The following IMMP2L variants were observed in gnomAD, a reference collection of about 807,000 sequenced individuals.
The protein encoded by IMMP2L is mitochondrial inner membrane protease subunit 2.
Under a neutral mutation model 19.3 loss-of-function variants are expected in IMMP2L, and 18 were observed. The observed-to-expected ratio is 0.93, with a 90% CI of 0.64 to 1.38. The LOEUF is 1.38. Ranked by LOEUF, IMMP2L falls within the 40% of genes most tolerant of loss-of-function variation. IMMP2L has a pLI of 0.00. For missense variants in IMMP2L, 233 were observed against 218.2 expected, an observed-to-expected ratio of 1.07 and a Z score of -0.43; for synonymous variants, 76 against 73.0, an observed-to-expected ratio of 1.04 and a Z score of -0.21.
chr7:111,055,389 C>G (rs758761813), intron 3 of IMMP2L, among the ~76,000 whole-genome samples: 1 of 152,198 alleles, frequency 6.6e-6, no homozygotes, highest in Non-Finnish European at 1.5e-5. Flanking sequence ...CACACTGATG[C>G]AGGAAGCCTG....
chr7:111,357,157 T>C (rs957555592), intron 3 of IMMP2L, among the ~76,000 whole-genome samples: 99 of 152,322 alleles, frequency 6.5e-4, no homozygotes, highest in African/African-American at 2.4e-3. Context: ...ACTGGCCCAC[T>C]GTAGCATTTA....
rs762676225 is a variant in IMMP2L, at chr7:111,521,359, A to G, written c.89T>C (p.Leu30Ser). Residue 30 changes from leucine to serine, a missense_variant, in exon 2 of 6, where the codon TTG becomes TCG. Physicochemically the swap from Leu to Ser is moderately radical, Grantham distance 145. Coordinates refer to ENST00000405709, the MANE Select transcript of IMMP2L (RefSeq NM_032549.4). ...TCTTGCCACACAGGCGACCCGATCCAAGAAAGTCACTGCCACAGGCACCGC... is the reference window on the plus strand; with the variant it reads ...TCTTGCCACACAGGCGACCCGATCCGAGAAAGTCACTGCCACAGGCACCGC... Reference protein sequence around the residue: ...FVAVPVAVTFLDRVACVARVE... With the variant: ...FVAVPVAVTFSDRVACVARVE... 6.2e-7 allele frequency: 1 copy of G among 1,613,376 alleles called. No individual in the cohort carries two copies. Among genetic ancestry groups the G allele is most frequent in the South Asian group, 1.1e-5 (1 of 91,036 alleles).
rs557680696 is a variant in IMMP2L at position 110,719,392 on chromosome 7, G to T, written c.409-55671C>A. The stretch of plus-strand genomic sequence containing the variant: ...GCCTTTCTCACTAATTTTAATTTTA[G>T]TTACTCATGTAATACACAACCAAGG... On this transcript the variant is annotated intron_variant, in intron 5 of 5. Coordinates refer to ENST00000405709, the MANE Select transcript of IMMP2L (RefSeq NM_032549.4). Among the ~76,000 whole-genome samples, 10 of 152,146 alleles carry T rather than the reference G, an allele frequency of 6.6e-5. No individual in the cohort carries two copies. In the East Asian group the frequency reaches 1.7e-3, roughly 26 times the overall value.
chr7:111,084,298 A>AT (rs1394481595), intron 3 of IMMP2L, among the ~76,000 whole-genome samples: 6 of 82,090 alleles, frequency 7.3e-5, no homozygotes, highest in African/African-American at 2.0e-4. Context: ...CAGAAATAAA[A>AT]TTAAAAAAAA....
At chr7:110,899,599 C>A (rs903562862) in intron 4 of IMMP2L, among the ~76,000 whole-genome samples, 1 of 152,124 alleles carries the variant, frequency 6.6e-6, no homozygotes, top group Admixed American at 6.6e-5. Flanking sequence ...ATATTACAAA[C>A]CCATATTACA....
intron 3 of IMMP2L, among the ~76,000 whole-genome samples, chr7:111,281,307 G>A (rs1002209822): frequency 6.6e-6 from 1 of 150,674 alleles, no homozygotes; most frequent in Non-Finnish European, 1.5e-5. Context: ...AGGAAGGAAG[G>A]AAAGAAAGAA....
intron 3 of IMMP2L, among the ~76,000 whole-genome samples, chr7:111,084,278 G>A (rs1796120693): frequency 6.9e-6 from 1 of 145,982 alleles, no homozygotes; most frequent in Non-Finnish European, 1.5e-5. Context: ...TCTAGGTAAC[G>A]AGGCAGCAGC....
At chr7:110,968,783 G>T (rs1819831361) in intron 3 of IMMP2L, among the ~76,000 whole-genome samples, 1 of 152,220 alleles carries the variant, frequency 6.6e-6, no homozygotes, top group African/African-American at 2.4e-5. Flanking sequence ...CTTGAAAAAT[G>T]TTCCTACCTA....
chr7:111,157,090 G>T (rs1804721588), intron 3 of IMMP2L, among the ~76,000 whole-genome samples: 1 of 152,064 alleles, frequency 6.6e-6, no homozygotes, highest in Non-Finnish European at 1.5e-5. Flanking sequence ...TGCTAGTAAG[G>T]ATGTGGAGAA....
intron 3 of IMMP2L, among the ~76,000 whole-genome samples, chr7:111,181,424 C>T (rs1457507701): frequency 6.6e-6 from 1 of 151,920 alleles, no homozygotes; most frequent in African/African-American, 2.4e-5. Flanking sequence ...GGGATCTTCC[C>T]TGTCTTGTTC....
intron 5 of IMMP2L, among the ~76,000 whole-genome samples, chr7:110,752,504 A>T (rs137963043): frequency 6.6e-6 from 1 of 152,134 alleles, no homozygotes; most frequent in African/African-American, 2.4e-5. Flanking sequence ...CCTGGTTATG[A>T]TTATATTAAA....
intron 3 of IMMP2L, among the ~76,000 whole-genome samples, chr7:111,281,669 G>A (rs1819900449): frequency 1.3e-5 from 2 of 152,090 alleles, no homozygotes; most frequent in South Asian, 2.1e-4. Context: ...TTACATCCAC[G>A]TTTATCAGAA....
chr7:111,153,663 C>T (rs1804317595), intron 3 of IMMP2L, among the ~76,000 whole-genome samples: 1 of 151,946 alleles, frequency 6.6e-6, no homozygotes. Context: ...TGATTAAACT[C>T]TTAACAAACA....
At chr7:110,972,988 T>C (rs1018095665) in intron 3 of IMMP2L, among the ~76,000 whole-genome samples, 2 of 152,056 alleles carry the variant, frequency 1.3e-5, no homozygotes, top group Admixed American at 6.6e-5. Flanking sequence ...TGTAAGAAAA[T>C]GCAGAGGTCA....
intron 2 of IMMP2L, among the ~76,000 whole-genome samples, chr7:111,494,038 T>G (rs888738068): frequency 1.3e-5 from 2 of 152,022 alleles, no homozygotes; most frequent in Non-Finnish European, 1.5e-5. Context: ...TTCAAATCGA[T>G]GAAGTTAAAC....
At chr7:110,844,565 C>T (rs1034126662) in intron 5 of IMMP2L, among the ~76,000 whole-genome samples, 4 of 151,686 alleles carry the variant, frequency 2.6e-5, no homozygotes, top group African/African-American at 9.7e-5. Flanking sequence ...GCCCTTCATC[C>T]TATGGTTAAT....
chr7:111,316,367 AG>A (rs766800062), intron 3 of IMMP2L, among the ~76,000 whole-genome samples: 1 of 152,196 alleles, frequency 6.6e-6, no homozygotes, highest in Non-Finnish European at 1.5e-5. Context: ...AGTCGAAAAA[AG>A]GGCCTGAAAA....
chr7:110,806,906 T>C (rs544911579), intron 5 of IMMP2L, among the ~76,000 whole-genome samples: 12 of 152,094 alleles, frequency 7.9e-5, no homozygotes, highest in African/African-American at 2.6e-4. Flanking sequence ...TAGGATGAAA[T>C]AGCCAAATGA....
chr7:111,030,882 GTGTATATATATATA>G (rs1484371077), intron 3 of IMMP2L, among the ~76,000 whole-genome samples: 3,982 of 50,724 alleles, frequency 0.079, 78 homozygotes, highest in Middle Eastern at 0.13. Context: ...GTGTGTGTGT[GTGTATATATATATA>G]TATATATATA....
Sources: allele counts gnomAD v4.1 joint callset (sites outside exome capture counted in the v4.1 genomes callset), GRCh38; gene constraint gnomAD v4.1.1; transcripts MANE v1.5; gene names NCBI Gene and HGNC (gene_info 2026-07-23, HGNC 2026-07-21).